Variants in RXYLT1 observed in about 807,000 individuals in gnomAD.
RXYLT1 encodes ribitol-5-phosphate xylosyltransferase 1.
Under a neutral mutation model 43.5 loss-of-function variants are expected in RXYLT1, and 41 were observed. The observed-to-expected ratio is 0.94, with a 90% CI of 0.73 to 1.22. The LOEUF (loss-of-function observed/expected upper bound fraction) is 1.22, where lower values mean the gene tolerates loss of function less well. Among genes scored for constraint, RXYLT1 ranks in the 50% most tolerant of loss-of-function variants. RXYLT1 has a pLI of 0.00. For missense variants in RXYLT1, 514 were observed against 532.0 expected (o/e 0.97, Z 0.33); for synonymous variants, 166 against 194.4 (o/e 0.85, Z 1.21).
chr12:63,798,885 CT>C (rs1898092366), intron 3 of RXYLT1, among the ~76,000 whole-genome samples: 1 of 152,158 alleles, frequency 6.6e-6, no homozygotes, highest in African/African-American at 2.4e-5. Context: ...ATGAGTTTTT[CT>C]TTCAGTGTCT....
chr12:63,782,834 T>G (rs1592839945), intron 2 of RXYLT1: 1 of 188,246 alleles, frequency 5.3e-6, no homozygotes, highest in East Asian at 1.5e-4. Context: ...AACACCCTTT[T>G]CAGGCAGCAA....
At chr12:63,805,670 A>G (rs374377772) in intron 5 of RXYLT1, 57 of 295,340 alleles carry the variant, frequency 1.9e-4, no homozygotes, top group African/African-American at 1.1e-3. Flanking sequence ...CCTCAATAAT[A>G]TTTGTTAGTC....
chr12:63,796,405 A>G (rs976566405), intron 3 of RXYLT1, among the ~76,000 whole-genome samples: 2 of 152,166 alleles, frequency 1.3e-5, no homozygotes, highest in African/African-American at 2.4e-5. Flanking sequence ...TTCCATTGTG[A>G]TATTTACTAG....
At position 63,809,020 on chromosome 12, in the gene RXYLT1, C is replaced by T. The variant is rs751484155; in HGVS notation, c.1260C>T (p.His420=). ...RRKMLLQWYQ[H]FKTELKMKFT... ...AAATGTTACTTCAGTGGTATCAGCA[C>T]TTCAAGACAGAGCTTAAAATGAAAT... Residue 420 remains histidine (H), a synonymous_variant, in exon 6 of 6, where the codon CAC becomes CAT. Transcript: ENST00000261234. The T allele has an allele frequency of 1.3e-6, 2 of 1,596,648 alleles. No homozygotes were observed. The highest frequency in any genetic ancestry group is 2.3e-5 in the South Asian group (2 of 87,252).
At chr12:63,799,548 A>T (rs74855949) in intron 3 of RXYLT1, among the ~76,000 whole-genome samples, 19,143 of 151,806 alleles carry the variant, frequency 0.13, 1,364 homozygotes, top group East Asian at 0.28. Context: ...ACCTCAGTCA[A>T]CTAAAGTGCT....
intron 4 of RXYLT1, among the ~76,000 whole-genome samples, chr12:63,803,028 T>C (rs1898198795): frequency 2.0e-5 from 3 of 150,300 alleles, no homozygotes; most frequent in Admixed American, 2.0e-4. Flanking sequence ...TCAAAAATTA[T>C]CCGGGCATGG....
In RXYLT1 at chr12:63,784,965, A is replaced by T; in HGVS notation, c.326-5A>T. 1 of 1,611,736 alleles carries T rather than the reference A, an allele frequency of 6.2e-7. No individual in the cohort carries two copies. Among genetic ancestry groups the T allele is most frequent in the Non-Finnish European group, 8.5e-7 (1 of 1,178,710 alleles). On this transcript the variant is annotated splice_polypyrimidine_tract_variant and splice_region_variant and intron_variant, in intron 2 of 5. Coordinates refer to ENST00000261234, the MANE Select transcript of RXYLT1 (RefSeq NM_014254.3). The stretch of plus-strand genomic sequence containing the variant: ...TTTGATTTTGTTTTTGTTGTTAATT[A>T]CCAGGCTTGTATCTCTGGGAGCATA...
intron 3 of RXYLT1, among the ~76,000 whole-genome samples, chr12:63,786,140 T>G (rs1248563207): frequency 1.3e-5 from 2 of 152,172 alleles, no homozygotes; most frequent in African/African-American, 4.8e-5. Context: ...TTTTGGTATT[T>G]GAAAAGTAAA....
intron 2 of RXYLT1, chr12:63,782,399 C>T (rs1592839569): frequency 2.4e-6 from 1 of 418,424 alleles, no homozygotes; most frequent in East Asian, 7.0e-5. Flanking sequence ...ATCTCAGCCA[C>T]ACTCTTGAAG....
chr12:63,791,674 A>G lies in RXYLT1; in HGVS notation c.428+6602A>G, dbSNP rs57068524. On this transcript the variant is annotated intron_variant, in intron 3 of 5. Transcript: ENST00000261234. ...ACAAAACAGTATTTCAAAATGCCAC[A>G]TTTATTCTTTTAATGTTAAAATATC... Among the ~76,000 whole-genome samples, 750 of 152,342 alleles carry G rather than the reference A, an allele frequency of 4.9e-3. 9 individuals carry two copies. Among genetic ancestry groups the G allele is most frequent in the African/African-American group, 0.017 (712 of 41,590 alleles).
intron 3 of RXYLT1, among the ~76,000 whole-genome samples, chr12:63,791,745 C>G (rs186849104): frequency 4.1e-4 from 62 of 152,280 alleles, no homozygotes; most frequent in Non-Finnish European, 7.8e-4. Flanking sequence ...TTATAAAGAG[C>G]TTACTATGCG....
intron 3 of RXYLT1, among the ~76,000 whole-genome samples, chr12:63,795,925 A>G (rs2136228043): frequency 1.3e-5 from 2 of 152,350 alleles, no homozygotes; most frequent in Admixed American, 1.3e-4. Flanking sequence ...AAAAAAATCC[A>G]TTACACCTTT....
At chr12:63,808,494 C>A in intron 5 of RXYLT1, 181 bp from the exon 6 acceptor site, 1 of 619,162 alleles carries the variant, frequency 1.6e-6, no homozygotes, top group Non-Finnish European at 2.7e-6. Flanking sequence ...TAAAATGTTC[C>A]AATTCTTCAA....
At chr12:63,780,291 G>A in intron 1 of RXYLT1, 162 bp downstream of exon 1, 1 of 1,356,832 alleles carries the variant, frequency 7.4e-7, no homozygotes, top group Non-Finnish European at 9.4e-7. Context: ...CCTTGGCTCG[G>A]AATTGGAGAA....
At chr12:63,789,667 G>A (rs953974249) in intron 3 of RXYLT1, among the ~76,000 whole-genome samples, 3 of 152,248 alleles carry the variant, frequency 2.0e-5, no homozygotes, top group South Asian at 2.1e-4. Flanking sequence ...GAGTAATACC[G>A]TTTCCTCTTA....
chr12:63,796,963 C>CTTTTT (rs776895611), intron 3 of RXYLT1, among the ~76,000 whole-genome samples: 97 of 132,288 alleles, frequency 7.3e-4, no homozygotes, highest in Non-Finnish European at 9.0e-4. Flanking sequence ...TTTTCTTTTT[C>CTTTTT]TTTTTTTTTT....
Position 63,785,020 on chromosome 12 carries a change from G to GT in RXYLT1, c.377dup (p.Thr127AspfsTer32), listed in dbSNP as rs760855039. ...TGAAGGCTTACTTGATCCCAGCGAT[G>GT]TGACTGCTCAATGGAGAGAAGGAAA... On this transcript the variant is annotated frameshift_variant, in exon 3 of 6. Coordinates refer to ENST00000261234, the MANE Select transcript of RXYLT1 (RefSeq NM_014254.3). LOFTEE classifies it high-confidence loss of function. 1.2e-6 allele frequency: 2 copies of GT among 1,613,994 alleles called. No individual in the cohort carries two copies. The highest frequency in any genetic ancestry group is 1.7e-6 in the Non-Finnish European group (2 of 1,179,856).
chr12:63,805,630 G>A (rs1371271538), intron 5 of RXYLT1: 3 of 382,218 alleles, frequency 7.8e-6, no homozygotes, highest in Non-Finnish European at 1.4e-5. Flanking sequence ...ACTGGTAACT[G>A]TCATTTGCAA....
At chr12:63,782,594 C>T (rs374073073) in intron 2 of RXYLT1, 1 of 456,740 alleles carries the variant, frequency 2.2e-6, no homozygotes, top group Non-Finnish European at 4.4e-6. Flanking sequence ...CTTGTGGGCC[C>T]TCTGTGTATG....
Sources: allele counts gnomAD v4.1 joint callset (sites outside exome capture counted in the v4.1 genomes callset), GRCh38; gene constraint gnomAD v4.1.1; transcripts MANE v1.5; gene names NCBI Gene and HGNC (gene_info 2026-07-23, HGNC 2026-07-21).